Variants in KIAA1958 observed in about 807,000 individuals in gnomAD.
KIAA1958 encodes KIAA1958.
In KIAA1958, 14 loss-of-function variants were observed where a neutral mutation model predicts 47.2. The ratio of observed to expected loss-of-function variants is 0.30; its 90% CI spans 0.20 to 0.46. The LOEUF (loss-of-function observed/expected upper bound fraction) is 0.46. Among genes scored for constraint, KIAA1958 ranks in the 20% least tolerant of loss-of-function variants. The pLI is 1.00. For synonymous variants in KIAA1958, 354 were observed against 353.3 expected, an observed-to-expected ratio of 1.00 and a Z score of -0.02; for missense variants, 803 against 909.2, an observed-to-expected ratio of 0.88 and a Z score of 1.50.
chr9:112,577,241 G>GA (rs1434479581), intron 2 of KIAA1958, among the ~76,000 whole-genome samples: 1 of 152,026 alleles, frequency 6.6e-6, no homozygotes, highest in Middle Eastern at 3.2e-3. Flanking sequence ...CTGAATATGA[G>GA]ATCCTTATCA....
Position 112,498,690 on chromosome 9 carries a change from G to T in KIAA1958, c.-25+11572G>T, listed in dbSNP as rs149782865. Among the ~76,000 whole-genome samples, 4 of 152,268 alleles carry T rather than the reference G, an allele frequency of 2.6e-5. No individual in the cohort carries two copies. The East Asian group carries it at 7.7e-4, about 29-fold the overall frequency. ...GGGATACAGAGTAATATTTCAATAT[G>T]TGTATACAACGTATAATGATCAAAT... On this transcript the variant is annotated intron_variant, in intron 1 of 3. Coordinates refer to ENST00000337530, the MANE Select transcript of KIAA1958 (RefSeq NM_133465.4).
At chr9:112,509,122 G>T (rs1288131017) in intron 1 of KIAA1958, among the ~76,000 whole-genome samples, 1 of 149,966 alleles carries the variant, frequency 6.7e-6, no homozygotes, top group Non-Finnish European at 1.5e-5. Flanking sequence ...AGTGTATGGA[G>T]AAAGCTTATC....
At chr9:112,552,319 G>A (rs1160744256) in intron 1 of KIAA1958, among the ~76,000 whole-genome samples, 1 of 152,210 alleles carries the variant, frequency 6.6e-6, no homozygotes, top group Non-Finnish European at 1.5e-5. Context: ...TGGGTGGACT[G>A]ACAGAGGATT....
At chr9:112,537,636 A>G (rs1834878131) in intron 1 of KIAA1958, among the ~76,000 whole-genome samples, 1 of 152,194 alleles carries the variant, frequency 6.6e-6, no homozygotes, top group Non-Finnish European at 1.5e-5. Flanking sequence ...TCAAAATCTG[A>G]TGATATGCAA....
At chr9:112,493,976 T>C (rs1334354414) in intron 1 of KIAA1958, among the ~76,000 whole-genome samples, 1 of 152,232 alleles carries the variant, frequency 6.6e-6, no homozygotes, top group Non-Finnish European at 1.5e-5. Context: ...CTATAGATAG[T>C]GTGTAAATGA....
At chr9:112,510,571 C>T (rs1188149861) in intron 1 of KIAA1958, among the ~76,000 whole-genome samples, 1 of 152,186 alleles carries the variant, frequency 6.6e-6, no homozygotes, top group East Asian at 1.9e-4. Flanking sequence ...ACGGGTTTCT[C>T]AGATAAATGG....
chr9:112,533,598 AAAAAAAAG>A (rs2132813976), intron 1 of KIAA1958, among the ~76,000 whole-genome samples: 1 of 150,424 alleles, frequency 6.6e-6, no homozygotes, highest in Non-Finnish European at 1.5e-5. Context: ...AAAAAAAAAA[AAAAAAAAG>A]AAAAGAGGTT....
Position 112,574,454 on chromosome 9 carries a change from G to A in KIAA1958, c.374G>A (p.Cys125Tyr), listed in dbSNP as rs961027834. 18 of 1,614,058 alleles carry A rather than the reference G, an allele frequency of 1.1e-5. No individual in the cohort carries two copies. Among genetic ancestry groups the A allele is most frequent in the Non-Finnish European group, 1.4e-5 (17 of 1,180,016 alleles). The change falls in exon 2 of 4, where the codon TGT (cysteine) becomes TAT (tyrosine). Residue 125 changes from cysteine to tyrosine, a missense_variant. Physicochemically the swap from Cys to Tyr is radical, Grantham distance 194. This residue lies in a region of KIAA1958 where 761 missense variants were observed against 829.3 expected (regional missense o/e 0.92). Coordinates refer to ENST00000337530, the MANE Select transcript of KIAA1958 (RefSeq NM_133465.4). ...AGAGACTCTTGTGACTTCTCCTACTGTAGTGAGCCCTCTGAACTGGATGAA... is the reference window on the plus strand; with the variant it reads ...AGAGACTCTTGTGACTTCTCCTACTATAGTGAGCCCTCTGAACTGGATGAA... The part of the protein sequence containing the change: ...RTRDSCDFSY[C>Y]SEPSELDETV...
At chr9:112,617,171 C>G (rs562044726) in intron 2 of KIAA1958, among the ~76,000 whole-genome samples, 19 of 152,336 alleles carry the variant, frequency 1.2e-4, no homozygotes, top group African/African-American at 4.6e-4. Flanking sequence ...TACATCTTGA[C>G]TATAATAGCC....
chr9:112,537,559 T>C (rs1834877187), intron 1 of KIAA1958, among the ~76,000 whole-genome samples: 2 of 152,214 alleles, frequency 1.3e-5, no homozygotes, highest in Non-Finnish European at 2.9e-5. Context: ...TCATTAGTCA[T>C]CAGGAAAATG....
At chr9:112,536,167 A>G (rs1025541562) in intron 1 of KIAA1958, among the ~76,000 whole-genome samples, 2 of 152,252 alleles carry the variant, frequency 1.3e-5, no homozygotes, top group Admixed American at 6.5e-5. Flanking sequence ...TGAACATTTT[A>G]GAGACCAAGC....
chr9:112,604,058 T>C (rs1836181912), intron 2 of KIAA1958, among the ~76,000 whole-genome samples: 2 of 152,226 alleles, frequency 1.3e-5, no homozygotes, highest in South Asian at 2.1e-4. Context: ...AGGAATGTGA[T>C]AGCCAAGTTT....
At chr9:112,612,318 G>A (rs1836340949) in intron 2 of KIAA1958, among the ~76,000 whole-genome samples, 1 of 152,120 alleles carries the variant, frequency 6.6e-6, no homozygotes, top group African/African-American at 2.4e-5. Flanking sequence ...CTACGTTGGA[G>A]GATTGCTTGA....
chr9:112,599,620 T>C (rs901819856), intron 2 of KIAA1958, among the ~76,000 whole-genome samples: 72 of 152,240 alleles, frequency 4.7e-4, no homozygotes, highest in African/African-American at 1.7e-3. Flanking sequence ...GAGAGCCATA[T>C]GTGCAAAGCT....
intron 1 of KIAA1958, among the ~76,000 whole-genome samples, chr9:112,528,501 A>G (rs1002890340): frequency 2.6e-5 from 4 of 151,916 alleles, no homozygotes; most frequent in Admixed American, 2.6e-4. Flanking sequence ...CTCCCTCACA[A>G]TTGGAGTGTT....
At chr9:112,551,283 A>G (rs1835142412) in intron 1 of KIAA1958, among the ~76,000 whole-genome samples, 11 of 152,160 alleles carry the variant, frequency 7.2e-5, no homozygotes. Flanking sequence ...TCCCTGATCC[A>G]CCAGCTCCAG....
intron 1 of KIAA1958, among the ~76,000 whole-genome samples, chr9:112,496,195 C>T (rs554096148): frequency 3.9e-5 from 6 of 152,170 alleles, no homozygotes; most frequent in Non-Finnish European, 8.8e-5. Flanking sequence ...TGAATAAATA[C>T]ATCATGGTAT....
chr9:112,632,003 G>A (rs1836718415), intron 2 of KIAA1958, among the ~76,000 whole-genome samples: 1 of 152,046 alleles, frequency 6.6e-6, no homozygotes, highest in Admixed American at 6.5e-5. Flanking sequence ...ATTTCTAAAA[G>A]AGGAATTCCT....
intron 3 of KIAA1958, among the ~76,000 whole-genome samples, chr9:112,654,912 CCATATACATG>C (rs1378332533): frequency 1.3e-5 from 2 of 152,066 alleles, no homozygotes; most frequent in Non-Finnish European, 2.9e-5. Flanking sequence ...TTTTCCTTTC[CCATATACATG>C]CATATGGATG....
Sources: allele counts gnomAD v4.1 joint callset (sites outside exome capture counted in the v4.1 genomes callset), GRCh38; gene constraint gnomAD v4.1.1; regional missense constraint gnomAD v4.1.1; transcripts MANE v1.5; gene names NCBI Gene and HGNC (gene_info 2026-07-23, HGNC 2026-07-21).